HS6ST1: variants seen among roughly 807,000 people sequenced by gnomAD.
HS6ST1 encodes heparan-sulfate 6-O-sulfotransferase 1.
HS6ST1 carries 3 observed loss-of-function variants against 25.2 expected under a neutral mutation model. That is an observed-to-expected ratio of 0.12 (90% confidence interval 0.05 to 0.31). The LOEUF is 0.31. Ranked by LOEUF, HS6ST1 falls within the 10% of genes least tolerant of loss-of-function variation. The pLI is 1.00. For missense variants in HS6ST1, 310 were observed against 609.6 expected, an observed-to-expected ratio of 0.51 and a Z score of 5.18; for synonymous variants, 204 against 275.1, an observed-to-expected ratio of 0.74 and a Z score of 2.56.
intron 1 of HS6ST1, among the ~76,000 whole-genome samples, chr2:128,285,593 G>A (rs1693848865): frequency 2.5e-5 from 1 of 40,412 alleles, no homozygotes; most frequent in South Asian, 1.3e-3. Context: ...CTTGGGGGAT[G>A]GGCAGGGCTG....
intron 1 of HS6ST1, among the ~76,000 whole-genome samples, chr2:128,278,827 A>C (rs1048446578): frequency 1.3e-5 from 2 of 152,218 alleles, no homozygotes; most frequent in Non-Finnish European, 2.9e-5. Flanking sequence ...TGAGATAATG[A>C]ATTTTTTTCA....
At chr2:128,285,301 A>G (rs1336517951) in intron 1 of HS6ST1, among the ~76,000 whole-genome samples, 1 of 152,148 alleles carries the variant, frequency 6.6e-6, no homozygotes, top group Non-Finnish European at 1.5e-5. Context: ...GGGGAGAATA[A>G]GGCAGCCCCC....
intron 1 of HS6ST1, among the ~76,000 whole-genome samples, chr2:128,304,643 G>A (rs1694181492): frequency 6.6e-6 from 1 of 152,252 alleles, no homozygotes; most frequent in Admixed American, 6.5e-5. Flanking sequence ...GCACACAGCC[G>A]CTGTAGTCAG....
Position 128,267,804 on chromosome 2 carries a change from C to T in HS6ST1, c.*358G>A, listed in dbSNP as rs1445043047. 8 of 380,034 alleles carry T rather than the reference C, an allele frequency of 2.1e-5. No homozygotes were observed. The highest frequency in any genetic ancestry group is 1.6e-4 in the African/African-American group (8 of 48,560). The allele number at this position is 380,034 out of a possible 1,614,324, so 23.5% of individuals were successfully genotyped here. On this transcript the variant is annotated 3_prime_UTR_variant, in exon 2 of 2. Transcript: ENST00000259241. The stretch of plus-strand genomic sequence containing the variant: ...AGTTGGTGAGGGACACACTCCCGGC[C>T]TGGCAGGTCCACTTTCCGCTGTCCT...
intron 1 of HS6ST1, among the ~76,000 whole-genome samples, chr2:128,311,973 C>G (rs2104937599): frequency 6.6e-6 from 1 of 152,380 alleles, no homozygotes; most frequent in Middle Eastern, 3.4e-3. Context: ...TCTCAGGCAG[C>G]CTTGCCAGCA....
At chr2:128,308,542 A>C (rs1192563218) in intron 1 of HS6ST1, among the ~76,000 whole-genome samples, 1 of 152,164 alleles carries the variant, frequency 6.6e-6, no homozygotes, top group East Asian at 1.9e-4. Context: ...GGGTCTCACG[A>C]CCTGGGCACC....
In HS6ST1 at chr2:128,295,163, T is replaced by C. The variant is rs192014353; in HGVS notation, c.527+22874A>G. Among the ~76,000 whole-genome samples the C allele has an allele frequency of 1.9e-4, 29 of 152,350 alleles. No individual in the cohort carries two copies. The East Asian group carries it at 3.9e-3, about 20-fold the overall frequency. The stretch of plus-strand genomic sequence containing the variant: ...GGCTACTGTGAACACCGTGAGATGT[T>C]GCCGGCTGATGGCACAGGCAGCATC... On this transcript the variant is annotated intron_variant, in intron 1 of 1. Transcript: ENST00000259241.
intron 1 of HS6ST1, among the ~76,000 whole-genome samples, chr2:128,282,380 G>T (rs1693801352): frequency 6.6e-6 from 1 of 152,252 alleles, no homozygotes; most frequent in Non-Finnish European, 1.5e-5. Context: ...CTCACTGTGG[G>T]TCACTGGGCG....
intron 1 of HS6ST1, among the ~76,000 whole-genome samples, chr2:128,297,346 C>T (rs926901409): frequency 6.6e-6 from 1 of 152,140 alleles, no homozygotes; most frequent in African/African-American, 2.4e-5. Context: ...AAATTGGACC[C>T]TTATCTAACA....
At chr2:128,310,083 G>C (rs1388420657) in intron 1 of HS6ST1, among the ~76,000 whole-genome samples, 1 of 152,218 alleles carries the variant, frequency 6.6e-6, no homozygotes, top group Non-Finnish European at 1.5e-5. Context: ...CCAGCCACAA[G>C]GTAGGAGGGG....
intron 1 of HS6ST1, among the ~76,000 whole-genome samples, chr2:128,278,183 C>T (rs1281743233): frequency 3.9e-5 from 6 of 152,244 alleles, no homozygotes; most frequent in Admixed American, 2.0e-4. Flanking sequence ...TCAACCAGGC[C>T]GGGCACTGCA....
At chr2:128,316,731 G>C (rs1170565092) in intron 1 of HS6ST1, among the ~76,000 whole-genome samples, 1 of 151,898 alleles carries the variant, frequency 6.6e-6, no homozygotes, top group Non-Finnish European at 1.5e-5. Flanking sequence ...ACAGTTGGGG[G>C]AGGGGGGAGA....
chr2:128,268,577 G>A lies in HS6ST1; in HGVS notation c.821C>T (p.Ala274Val). Reference sequence around the variant, plus strand: ...CTTGGCGCTCTCGAGCAGCAGCTGGGCCCGCTTGCCCTCGGGGATGAAGGA... The same window carrying A: ...CTTGGCGCTCTCGAGCAGCAGCTGGACCCGCTTGCCCTCGGGGATGAAGGA... ...NLSFIPEGKR[A>V]QLLLESAKKN... Residue 274 changes from alanine (A) to valine (V), a missense_variant, in exon 2 of 2, where the codon GCC becomes GTC. Transcript: ENST00000259241. 1 of 1,603,454 alleles carries A rather than the reference G, an allele frequency of 6.2e-7. No individual in the cohort carries two copies. The highest frequency in any genetic ancestry group is 8.5e-7 in the Non-Finnish European group (1 of 1,174,510).
intron 1 of HS6ST1, among the ~76,000 whole-genome samples, chr2:128,298,671 T>C (rs1017880416): frequency 2.0e-5 from 3 of 151,310 alleles, no homozygotes; most frequent in Non-Finnish European, 4.4e-5. Flanking sequence ...GAATGAGGAG[T>C]TCGTGTTTAA....
At chr2:128,270,318 GC>G (rs1693592090) in intron 1 of HS6ST1, among the ~76,000 whole-genome samples, 1 of 152,200 alleles carries the variant, frequency 6.6e-6, no homozygotes, top group South Asian at 2.1e-4. Context: ...TCTCCAGGGG[GC>G]AGATAAGCTG....
chr2:128,306,275 A>G (rs993111167), intron 1 of HS6ST1, among the ~76,000 whole-genome samples: 2 of 152,048 alleles, frequency 1.3e-5, no homozygotes, highest in African/African-American at 2.4e-5. Context: ...CCCTCCATCA[A>G]CTGTGGTCGG....
rs200904285 is a variant in HS6ST1 at position 128,268,715 on chromosome 2, G to A, written c.683C>T (p.Thr228Met). ...PEELPPCYEG[T>M]DWSGCTLQEF... ...CTGTAGCGTGCAGCCCGACCAGTCC[G>A]TGCCCTCGTAGCAGGGCGGCAGCTC... Residue 228 changes from threonine (T) to methionine (M), a missense_variant, in exon 2 of 2, where the codon ACG (threonine) becomes ATG (methionine). By Grantham distance (81) the Thr-to-Met change is moderately conservative. Transcript: ENST00000259241. 2.7e-4 allele frequency: 430 copies of A among 1,612,298 alleles called. No homozygotes were observed. The highest frequency in any genetic ancestry group is 4.9e-4 in the East Asian group (22 of 44,872).
At chr2:128,314,630 C>T (rs571539127) in intron 1 of HS6ST1, among the ~76,000 whole-genome samples, 3 of 152,306 alleles carry the variant, frequency 2.0e-5, no homozygotes, top group African/African-American at 7.2e-5. Context: ...TTCAGGATCA[C>T]GGAGGGCAGG....
At chr2:128,308,720 C>T (rs535059922) in intron 1 of HS6ST1, among the ~76,000 whole-genome samples, 1 of 152,234 alleles carries the variant, frequency 6.6e-6, no homozygotes, top group African/African-American at 2.4e-5. Flanking sequence ...ACAGCCAAAA[C>T]ACAGCATGCT....
Sources: allele counts gnomAD v4.1 joint callset (sites outside exome capture counted in the v4.1 genomes callset), GRCh38; gene constraint gnomAD v4.1.1; transcripts MANE v1.5; gene names NCBI Gene and HGNC (gene_info 2026-07-23, HGNC 2026-07-21).